Variants in NWD1 observed in about 807,000 individuals in gnomAD.
NWD1 encodes NACHT and WD repeat domain containing 1, also known as NACHT domain- and WD repeat-containing protein 1.
In NWD1, 129 loss-of-function variants were observed where a neutral mutation model predicts 135.1. That is an observed-to-expected ratio of 0.96 (90% CI 0.83 to 1.11). The LOEUF is 1.11. Ranked by LOEUF, NWD1 falls within the 50% of genes least tolerant of loss-of-function variation. The pLI is 0.00. For synonymous variants in NWD1, 773 were observed against 786.0 expected, an observed-to-expected ratio of 0.98 and a Z score of 0.28; for missense variants, 1,740 against 1,851.3, an observed-to-expected ratio of 0.94 and a Z score of 1.10.
At chr19:16,738,566 CAAA>C (rs770498066) in intron 4 of NWD1, among the ~76,000 whole-genome samples, 11 of 91,518 alleles carry the variant, frequency 1.2e-4, no homozygotes, top group Admixed American at 1.5e-4. Context: ...GAGACTCTGT[CAAA>C]AAAAAAAAAA....
chr19:16,731,172 C>G lies in NWD1; in HGVS notation c.-6-20C>G, dbSNP rs1166456275. 8 of 1,383,540 alleles carry G rather than the reference C, an allele frequency of 5.8e-6. No homozygotes were observed. Among genetic ancestry groups the G allele is most frequent in the Non-Finnish European group, 7.9e-6 (8 of 1,008,222 alleles). 85.7% of individuals were successfully genotyped at this position (1,383,540 alleles called of 1,614,324 possible). A position where few individuals can be genotyped will look rare whatever the true frequency, so the allele number is the denominator to read the frequency against. On this transcript the variant is annotated intron_variant, in intron 2 of 18. Coordinates refer to ENST00000524140, the MANE Select transcript of NWD1 (RefSeq NM_001007525.5). ...GTTCTGAGTCCTTTCCACTAATACCCTCCATGCCCTTCCTTGCAGATATGG... is the reference window on the plus strand; with the variant it reads ...GTTCTGAGTCCTTTCCACTAATACCGTCCATGCCCTTCCTTGCAGATATGG...
intron 15 of NWD1, among the ~76,000 whole-genome samples, chr19:16,797,328 C>CTTT (rs764836395): frequency 6.6e-5 from 8 of 120,350 alleles, no homozygotes; most frequent in African/African-American, 1.8e-4. Flanking sequence ...CAAAACATCT[C>CTTT]TTTTTTTTTT....
intron 18 of NWD1, among the ~76,000 whole-genome samples, chr19:16,808,649 C>T (rs534731133): frequency 5.9e-5 from 9 of 151,974 alleles, no homozygotes; most frequent in East Asian, 3.9e-4. Flanking sequence ...CCCACTGTCA[C>T]GAGGCTGTAG....
chr19:16,780,269 C>T (rs941030864), intron 12 of NWD1, among the ~76,000 whole-genome samples: 2 of 151,870 alleles, frequency 1.3e-5, no homozygotes, highest in African/African-American at 4.8e-5. Context: ...CATTCTCCTG[C>T]CTCAGCCTCC....
intron 11 of NWD1, among the ~76,000 whole-genome samples, chr19:16,778,829 C>G (rs1240272849): frequency 6.6e-6 from 1 of 152,174 alleles, no homozygotes; most frequent in African/African-American, 2.4e-5. Flanking sequence ...GCCACCGTGC[C>G]CGGCCATGGC....
intron 3 of NWD1, among the ~76,000 whole-genome samples, chr19:16,734,112 C>T (rs748704492): frequency 3.3e-5 from 5 of 152,104 alleles, no homozygotes; most frequent in East Asian, 1.9e-4. Context: ...GAACTGCAAG[C>T]GTGCGGTTGC....
chr19:16,791,113 G>A (rs1176448401), intron 13 of NWD1, among the ~76,000 whole-genome samples: 1 of 151,894 alleles, frequency 6.6e-6, no homozygotes, highest in East Asian at 1.9e-4. Context: ...GCGTGTCTGT[G>A]GTCCCAGCTT....
chr19:16,786,492 T>C (rs1212011367), intron 12 of NWD1, among the ~76,000 whole-genome samples: 1 of 151,954 alleles, frequency 6.6e-6, no homozygotes, highest in South Asian at 2.1e-4. Flanking sequence ...TTGACCCTCT[T>C]CCTCCTTCCC....
intron 10 of NWD1, among the ~76,000 whole-genome samples, chr19:16,770,404 G>A (rs1969373948): frequency 6.6e-6 from 1 of 152,122 alleles, no homozygotes; most frequent in Non-Finnish European, 1.5e-5. Flanking sequence ...GTGATTGTAA[G>A]TTTCCTGAGG....
rs774778849 is a variant in NWD1 at position 16,759,452 on chromosome 19, C to T, written c.1973+24C>T. On this transcript the variant is annotated intron_variant, in intron 7 of 18. Transcript: ENST00000524140. ...AGGTAGGTCCAGGCAGCAGTGGCAG[C>T]GACACTGTCTGGGTGGGACCCCAAG... 16 of 1,518,508 alleles carry T rather than the reference C, an allele frequency of 1.1e-5. No individual in the cohort carries two copies. The Admixed American group carries it at 1.2e-4, about 11-fold the overall frequency. 94.1% of individuals were successfully genotyped at this position (1,518,508 alleles called of 1,614,324 possible). A position where few individuals can be genotyped will look rare whatever the true frequency, so the allele number is the denominator to read the frequency against.
chr19:16,771,373 C>G (rs752440689), intron 10 of NWD1, among the ~76,000 whole-genome samples: 1 of 152,116 alleles, frequency 6.6e-6, no homozygotes, highest in Non-Finnish European at 1.5e-5. Context: ...TTGCTTGAAC[C>G]CGGGAGGCAG....
chr19:16,808,441 T>C (rs1206269050), intron 18 of NWD1, among the ~76,000 whole-genome samples: 2 of 151,672 alleles, frequency 1.3e-5, no homozygotes, highest in African/African-American at 4.8e-5. Context: ...TCTCAGCTAC[T>C]TGGGGGGCTG....
intron 18 of NWD1, among the ~76,000 whole-genome samples, chr19:16,811,527 T>C (rs921820601): frequency 3.0e-4 from 44 of 144,274 alleles, no homozygotes; most frequent in Admixed American, 9.5e-4. Flanking sequence ...GAGGTTGCAG[T>C]GAGCCAAGAT....
At chr19:16,731,359 T>C (rs1426444378) in intron 3 of NWD1, 81 bp downstream of exon 3, 2 of 813,186 alleles carry the variant, frequency 2.5e-6, no homozygotes, top group African/African-American at 3.4e-5. Context: ...CAGGCTGGAG[T>C]GCAGTGGTGC....
At chr19:16,788,187 G>C (rs556824082) in intron 12 of NWD1, among the ~76,000 whole-genome samples, 1 of 146,922 alleles carries the variant, frequency 6.8e-6, no homozygotes, top group Admixed American at 6.9e-5. Flanking sequence ...CCAGGGCCAC[G>C]CCACTGCACT....
chr19:16,745,914 C>T (rs893531671), intron 5 of NWD1, among the ~76,000 whole-genome samples: 5 of 151,736 alleles, frequency 3.3e-5, no homozygotes, highest in African/African-American at 9.7e-5. Context: ...GAGACCCTGT[C>T]TCTAAATAAA....
chr19:16,813,218 G>A (rs1018140000), intron 18 of NWD1, among the ~76,000 whole-genome samples: 4 of 152,098 alleles, frequency 2.6e-5, no homozygotes, highest in African/African-American at 9.7e-5. Flanking sequence ...AGAAGAGTGA[G>A]AAGAGGGTCA....
At position 16,789,108 on chromosome 19, in the gene NWD1, CA is replaced by C. The variant is rs1970155844; in HGVS notation, c.2864del (p.Asn955IlefsTer62). The C allele has an allele frequency of 1.2e-6, 2 of 1,613,794 alleles. No homozygotes were observed. Among genetic ancestry groups the C allele is most frequent in the African/African-American group, 2.7e-5 (2 of 74,892 alleles). On this transcript the variant is annotated frameshift_variant, in exon 13 of 19. Transcript: ENST00000524140. LOFTEE classifies it high-confidence loss of function. The stretch of plus-strand genomic sequence containing the variant: ...AAATTTACCATTTGGGATGGAGGCT[CA>C]AAAAATCCCGCTGAACCTCAGATCT... Reference protein sequence around the residue: ...QEKFTIWDGGSKNPAEPQIWN... With the variant: ...QEKFTIWDGGXKNPAEPQIWN...
Position 16,759,263 on chromosome 19 carries a change from C to A in NWD1, c.1808C>A (p.Ser603Tyr). 1 of 1,614,114 alleles carries A rather than the reference C, an allele frequency of 6.2e-7. No homozygotes were observed. The highest frequency in any genetic ancestry group is 8.5e-7 in the Non-Finnish European group (1 of 1,179,996). Residue 603 changes from serine to tyrosine, a missense_variant, in exon 7 of 19, where the codon TCC becomes TAC. By Grantham distance (144) the Ser-to-Tyr change is moderately radical (BLOSUM62 -2). Coordinates refer to ENST00000524140, the MANE Select transcript of NWD1 (RefSeq NM_001007525.5). ...LSEAELKDVLSLDDEVLQDVY... is the reference protein window; with the variant it reads ...LSEAELKDVLYLDDEVLQDVY... Reference sequence around the variant, plus strand: ...GAGGCGGAGCTGAAGGATGTTTTGTCCCTGGACGACGAGGTCCTGCAGGAT... The same window carrying A: ...GAGGCGGAGCTGAAGGATGTTTTGTACCTGGACGACGAGGTCCTGCAGGAT...
Sources: gnomAD v4.1 joint callset for allele counts (sites outside exome capture counted in the v4.1 genomes callset) on GRCh38, gnomAD v4.1.1 for gene constraint, MANE v1.5 for transcripts, NCBI Gene and HGNC (gene_info 2026-07-23, HGNC 2026-07-21) for gene names.